KCNH5: variants seen among roughly 807,000 people sequenced by gnomAD.
The protein encoded by KCNH5 is voltage-gated delayed rectifier potassium channel KCNH5.
In KCNH5, 46 loss-of-function variants were observed where a neutral mutation model predicts 96.1. That is an observed-to-expected ratio of 0.48 (90% confidence interval 0.38 to 0.61). KCNH5 has a LOEUF of 0.61. Among genes scored for constraint, KCNH5 ranks in the 20% least tolerant of loss-of-function variants. The pLI, the probability that KCNH5 is intolerant of heterozygous loss-of-function variation, is 0.00. For missense variants in KCNH5, 907 were observed against 1,225.8 expected (o/e 0.74, Z 3.88); for synonymous variants, 439 against 449.8 (o/e 0.98, Z 0.30).
At chr14:62,818,729 T>G (rs1005221093) in intron 8 of KCNH5, among the ~76,000 whole-genome samples, 1 of 152,128 alleles carries the variant, frequency 6.6e-6, no homozygotes, top group African/African-American at 2.4e-5. Context: ...TTTCACAACA[T>G]TTTTGTTAAT....
intron 1 of KCNH5, among the ~76,000 whole-genome samples, chr14:63,043,197 C>T (rs776058457): frequency 1.3e-5 from 2 of 152,094 alleles, no homozygotes; most frequent in Non-Finnish European, 2.9e-5. Flanking sequence ...CTCATAGTTT[C>T]ATAGTCTGCA....
At chr14:62,914,231 A>G (rs985452872) in intron 7 of KCNH5, among the ~76,000 whole-genome samples, 2 of 152,236 alleles carry the variant, frequency 1.3e-5, no homozygotes, top group Admixed American at 6.5e-5. Context: ...GTGAGTCATC[A>G]TTTATGTTGG....
At chr14:62,886,563 T>C (rs1269198089) in intron 7 of KCNH5, among the ~76,000 whole-genome samples, 1 of 152,220 alleles carries the variant, frequency 6.6e-6, no homozygotes, top group Admixed American at 6.5e-5. Context: ...AAGTGAATAT[T>C]TCTCATATGC....
At chr14:62,843,907 C>A (rs1380099346) in intron 8 of KCNH5, among the ~76,000 whole-genome samples, 1 of 151,780 alleles carries the variant, frequency 6.6e-6, no homozygotes, top group Non-Finnish European at 1.5e-5. Context: ...AATATTTAAA[C>A]ATCATTTCCC....
At chr14:62,978,312 C>A (rs1890539428) in intron 6 of KCNH5, among the ~76,000 whole-genome samples, 1 of 152,120 alleles carries the variant, frequency 6.6e-6, no homozygotes, top group Non-Finnish European at 1.5e-5. Context: ...ACCCAGGGTG[C>A]CGCTGACCGT....
intron 7 of KCNH5, among the ~76,000 whole-genome samples, chr14:62,890,116 A>G (rs1340639917): frequency 6.6e-6 from 1 of 152,156 alleles, no homozygotes; most frequent in East Asian, 1.9e-4. Flanking sequence ...AAAACCCAAA[A>G]CTATAAAAAC....
Position 63,018,351 on chromosome 14 carries a change from G to A in KCNH5, c.74-1397C>T, listed in dbSNP as rs1215912338. 3.3e-5 allele frequency among the ~76,000 whole-genome samples: 5 copies of A among 151,874 alleles called. 1 individual carries two copies. Among genetic ancestry groups the A allele is most frequent in the Non-Finnish European group, 5.9e-5 (4 of 67,952 alleles). On this transcript the variant is annotated intron_variant, in intron 1 of 10. Coordinates refer to ENST00000322893, the MANE Select transcript of KCNH5 (RefSeq NM_139318.5). ...GAGTTGGGGAAATCCTTTAATTGAT[G>A]GAGTGATAAACTTCCGCATAATATA...
At chr14:62,804,563 G>A (rs1294637975) in intron 8 of KCNH5, among the ~76,000 whole-genome samples, 1 of 152,078 alleles carries the variant, frequency 6.6e-6, no homozygotes, top group Non-Finnish European at 1.5e-5. Context: ...TGGTATGATG[G>A]GAGCATGGCC....
At chr14:63,008,144 C>T (rs1028879763) in intron 2 of KCNH5, among the ~76,000 whole-genome samples, 1 of 152,122 alleles carries the variant, frequency 6.6e-6, no homozygotes, top group African/African-American at 2.4e-5. Flanking sequence ...TTTGTTATTG[C>T]TTTTCTTTCA....
intron 6 of KCNH5, among the ~76,000 whole-genome samples, chr14:62,967,922 T>C (rs1594650683): frequency 6.6e-6 from 1 of 152,142 alleles, no homozygotes; most frequent in African/African-American, 2.4e-5. Context: ...TCAGTACAGA[T>C]AAAAAAATTT....
chr14:62,924,458 C>A (rs1182184113), intron 7 of KCNH5, among the ~76,000 whole-genome samples: 4 of 151,906 alleles, frequency 2.6e-5, no homozygotes, highest in African/African-American at 9.7e-5. Context: ...ATCCAGCAAT[C>A]CCACTTCTGG....
At chr14:62,869,451 G>C (rs564196798) in intron 7 of KCNH5, among the ~76,000 whole-genome samples, 1 of 151,800 alleles carries the variant, frequency 6.6e-6, no homozygotes, top group East Asian at 1.9e-4. Flanking sequence ...CAGATGGATA[G>C]ATTGCAAAAA....
At chr14:62,903,823 C>A (rs894026162) in intron 7 of KCNH5, among the ~76,000 whole-genome samples, 2 of 151,974 alleles carry the variant, frequency 1.3e-5, no homozygotes, top group Admixed American at 6.6e-5. Context: ...CAAAGTTACA[C>A]AGAATGTATG....
intron 10 of KCNH5, among the ~76,000 whole-genome samples, chr14:62,737,128 C>A (rs1167100007): frequency 2.0e-5 from 3 of 152,132 alleles, no homozygotes; most frequent in Non-Finnish European, 2.9e-5. Context: ...AATGCTTGAA[C>A]CTTCTTTCCT....
At chr14:62,891,354 A>G (rs1301493797) in intron 7 of KCNH5, among the ~76,000 whole-genome samples, 1 of 152,218 alleles carries the variant, frequency 6.6e-6, no homozygotes, top group African/African-American at 2.4e-5. Flanking sequence ...GAGCTAAATG[A>G]TGACAACTTA....
At chr14:62,719,597 G>A (rs1459999341) in intron 10 of KCNH5, among the ~76,000 whole-genome samples, 2 of 152,248 alleles carry the variant, frequency 1.3e-5, no homozygotes, top group Non-Finnish European at 2.9e-5. Context: ...AAGATGTACA[G>A]AATTTGGAAG....
At chr14:63,031,862 G>C (rs1464379229) in intron 1 of KCNH5, among the ~76,000 whole-genome samples, 2 of 151,868 alleles carry the variant, frequency 1.3e-5, no homozygotes, top group African/African-American at 4.8e-5. Flanking sequence ...AATGTTACAG[G>C]CCTTATATAT....
chr14:62,996,167 A>G (rs1890902965), intron 4 of KCNH5, among the ~76,000 whole-genome samples: 1 of 152,234 alleles, frequency 6.6e-6, no homozygotes, highest in African/African-American at 2.4e-5. Flanking sequence ...TTTAAAATGT[A>G]CTTTCCTACA....
intron 6 of KCNH5, among the ~76,000 whole-genome samples, chr14:62,961,459 AC>A (rs1203507971): frequency 6.6e-6 from 1 of 152,088 alleles, no homozygotes; most frequent in Non-Finnish European, 1.5e-5. Flanking sequence ...ACTATCCCCA[AC>A]CCTGAAAGTT....
Sources: gnomAD v4.1 joint callset for allele counts (sites outside exome capture counted in the v4.1 genomes callset) on GRCh38, gnomAD v4.1.1 for gene constraint, MANE v1.5 for transcripts, NCBI Gene and HGNC (gene_info 2026-07-23, HGNC 2026-07-21) for gene names.